Variants in ANKS3 observed in about 807,000 individuals in gnomAD.
The protein encoded by ANKS3 is ankyrin repeat and SAM domain-containing protein 3.
In ANKS3, 62 loss-of-function variants were observed where a neutral mutation model predicts 80.7. The ratio of observed to expected loss-of-function variants is 0.77; its 90% confidence interval spans 0.63 to 0.95. The LOEUF (loss-of-function observed/expected upper bound fraction) is 0.95. Among genes scored for constraint, ANKS3 ranks in the 40% least tolerant of loss-of-function variants. The pLI is 0.00. For missense variants in ANKS3, 1,150 were observed against 883.6 expected, an observed-to-expected ratio of 1.30 and a Z score of -3.82; for synonymous variants, 489 against 355.3, an observed-to-expected ratio of 1.38 and a Z score of -4.23.
Position 4,701,533 on chromosome 16 carries a change from A to G in ANKS3, c.1020T>C (p.Ala340=). Reference sequence around the variant, plus strand: ...GGACGGGCCCCAGGTTGGCACAGAAAGCATGTTCCTCTGAGGGCGGGAAGA... The same window carrying G: ...GGACGGGCCCCAGGTTGGCACAGAAGGCATGTTCCTCTGAGGGCGGGAAGA... ...SSSSSSREEH[A]FCANLGPVQS... The change falls in exon 10 of 18, where the codon GCT becomes GCC. Residue 340 remains alanine (A), a synonymous_variant. Transcript: ENST00000304283. The G allele has an allele frequency of 6.2e-7, 1 of 1,610,072 alleles. No homozygotes were observed. Among genetic ancestry groups the G allele is most frequent in the East Asian group, 2.2e-5 (1 of 44,784 alleles).
chr16:4,705,984 G>A (rs1006157205), intron 7 of ANKS3, among the ~76,000 whole-genome samples: 2 of 149,926 alleles, frequency 1.3e-5, no homozygotes, highest in Admixed American at 6.7e-5. Context: ...TGGAACTTCC[G>A]CCTCCTGGGT....
chr16:4,710,416 A>G (rs1051342453), intron 7 of ANKS3, among the ~76,000 whole-genome samples: 2 of 152,176 alleles, frequency 1.3e-5, no homozygotes, highest in Non-Finnish European at 2.9e-5. Context: ...AATGAGATAA[A>G]TATTTTCCAG....
intron 7 of ANKS3, among the ~76,000 whole-genome samples, chr16:4,711,224 C>G (rs951513744): frequency 6.6e-5 from 10 of 151,414 alleles, no homozygotes; most frequent in African/African-American, 2.4e-4. Context: ...CCACCTCAGC[C>G]TCCCGAGTAG....
At chr16:4,718,194 A>G (rs971749559) in intron 6 of ANKS3, among the ~76,000 whole-genome samples, 4 of 151,608 alleles carry the variant, frequency 2.6e-5, no homozygotes, top group African/African-American at 9.7e-5. Context: ...TGCTGGGATT[A>G]CTGGCATGAG....
intron 6 of ANKS3, among the ~76,000 whole-genome samples, chr16:4,720,114 A>G (rs1414703807): frequency 2.1e-5 from 3 of 141,228 alleles, no homozygotes; most frequent in African/African-American, 7.9e-5. Context: ...CTGAGCTGAG[A>G]TCACACCACT....
At chr16:4,726,079 C>G (rs2081336299) in intron 5 of ANKS3, among the ~76,000 whole-genome samples, 1 of 150,760 alleles carries the variant, frequency 6.6e-6, no homozygotes. Context: ...GGGTTCACAC[C>G]ATTCTCTTGC....
In ANKS3 at chr16:4,697,123, G is replaced by T; in HGVS notation, c.1895-19C>A. 6.2e-7 allele frequency: 1 copy of T among 1,611,784 alleles called. No homozygotes were observed. Among genetic ancestry groups the T allele is most frequent in the Non-Finnish European group, 8.5e-7 (1 of 1,179,062 alleles). On this transcript the variant is annotated intron_variant, in intron 16 of 17. Coordinates refer to ENST00000304283, the MANE Select transcript of ANKS3 (RefSeq NM_133450.4). ...GCTTGCCCTGAGGAATGATGACCTT[G>T]AGCCTCTCCCGGCCAGGCTCAGGAG...
chr16:4,726,500 G>C (rs141969409), intron 5 of ANKS3, among the ~76,000 whole-genome samples, 159 bp downstream of exon 5: 9 of 152,298 alleles, frequency 5.9e-5, no homozygotes, highest in Non-Finnish European at 1.2e-4. Flanking sequence ...GTACGAAAAG[G>C]CCTGTGCCTG....
At chr16:4,697,874 G>A (rs1032292917) in intron 15 of ANKS3, 103 bp downstream of exon 15, 3 of 1,111,914 alleles carry the variant, frequency 2.7e-6, no homozygotes, top group Admixed American at 3.1e-5. Context: ...TGGGAGAGTG[G>A]CTGCCGGCCG....
At chr16:4,732,071 G>A (rs1257332277) in intron 1 of ANKS3, among the ~76,000 whole-genome samples, 1 of 152,174 alleles carries the variant, frequency 6.6e-6, no homozygotes, top group Non-Finnish European at 1.5e-5. Context: ...GATGGCTAAA[G>A]AAACAAGCCA....
rs1364086481 is a variant in ANKS3 at position 4,698,794 on chromosome 16, A to C, written c.1551+6T>G. The C allele has an allele frequency of 9.4e-6, 15 of 1,601,262 alleles. No homozygotes were observed. Among genetic ancestry groups the C allele is most frequent in the Non-Finnish European group, 1.3e-5 (15 of 1,174,392 alleles). On this transcript the variant is annotated splice_donor_region_variant and intron_variant, in intron 13 of 17. Transcript: ENST00000304283. ...CTGCCCCCCCATCCCCCACCCAGCCACTCACCTTGTGCAGCTGGATGGCGA... is the reference window on the plus strand; with the variant it reads ...CTGCCCCCCCATCCCCCACCCAGCCCCTCACCTTGTGCAGCTGGATGGCGA...
chr16:4,728,962 A>G (rs1205405754), intron 3 of ANKS3, among the ~76,000 whole-genome samples: 1 of 152,176 alleles, frequency 6.6e-6, no homozygotes, highest in Non-Finnish European at 1.5e-5. Flanking sequence ...GGCTTCAGCA[A>G]TGCTTTGCTT....
chr16:4,699,698 T>G, intron 11 of ANKS3: 1 of 163,058 alleles, frequency 6.1e-6, no homozygotes, highest in Admixed American at 5.7e-5. Flanking sequence ...TATGGGGTGG[T>G]GTCGGTGTGC....
intron 7 of ANKS3, among the ~76,000 whole-genome samples, chr16:4,713,670 T>G (rs2080620697): frequency 6.6e-6 from 1 of 152,156 alleles, no homozygotes; most frequent in South Asian, 2.1e-4. Flanking sequence ...TGTCACAATC[T>G]CAGTAAAAAT....
In ANKS3 at chr16:4,699,192, G is replaced by C. The variant is rs751096575; in HGVS notation, c.1285-16C>G. 5 of 1,613,590 alleles carry C rather than the reference G, an allele frequency of 3.1e-6. No homozygotes were observed. The highest frequency in any genetic ancestry group is 3.3e-5 in the Admixed American group (2 of 59,956). On this transcript the variant is annotated splice_polypyrimidine_tract_variant and intron_variant, in intron 11 of 17. Transcript: ENST00000304283. ...CGGCAAGGTCCTGGCAGGCACAGGGGACAGGTTGGGGGAGGTAGTGGCTGA... is the reference window on the plus strand; with the variant it reads ...CGGCAAGGTCCTGGCAGGCACAGGGCACAGGTTGGGGGAGGTAGTGGCTGA...
chr16:4,701,124 T>A lies in ANKS3; in HGVS notation c.1130A>T (p.His377Leu). ...ASVESNEDSD[H>L]ACKSSARKQA... The stretch of plus-strand genomic sequence containing the variant: ...TTTGCGAGCTGAGCTTTTACAGGCA[T>A]GATCCGAGTCCTGCAGTGAGAGGCG... Residue 377 changes from histidine to leucine, a missense_variant, in exon 11 of 18, where the codon CAT becomes CTT. Transcript: ENST00000304283. 6.2e-7 allele frequency: 1 copy of A among 1,613,944 alleles called. No individual in the cohort carries two copies.
At chr16:4,717,049 T>A (rs2080841777) in intron 6 of ANKS3, among the ~76,000 whole-genome samples, 1 of 145,934 alleles carries the variant, frequency 6.9e-6, no homozygotes, top group South Asian at 2.2e-4. Flanking sequence ...CTGGCCAATG[T>A]GGGAAAACGT....
At chr16:4,725,819 C>A (rs962646035) in intron 5 of ANKS3, among the ~76,000 whole-genome samples, 6 of 152,020 alleles carry the variant, frequency 3.9e-5, no homozygotes, top group Non-Finnish European at 5.9e-5. Flanking sequence ...GCCACCACGC[C>A]CAGCTAATTT....
At chr16:4,717,947 C>A (rs1352807104) in intron 6 of ANKS3, among the ~76,000 whole-genome samples, 1 of 152,182 alleles carries the variant, frequency 6.6e-6, no homozygotes, top group African/African-American at 2.4e-5. Context: ...AGGGGCACGC[C>A]ACCACGCCCC....
Sources: allele counts gnomAD v4.1 joint callset (sites outside exome capture counted in the v4.1 genomes callset), GRCh38; gene constraint gnomAD v4.1.1; transcripts MANE v1.5; gene names NCBI Gene and HGNC (gene_info 2026-07-23, HGNC 2026-07-21).